Variants in LAMA3 observed in about 807,000 individuals in gnomAD.
LAMA3 encodes the protein laminin subunit alpha-3.
Under a neutral mutation model 402.0 loss-of-function variants are expected in LAMA3, and 281 were observed. That is an observed-to-expected ratio of 0.70 (90% CI 0.63 to 0.77). The LOEUF (loss-of-function observed/expected upper bound fraction) is 0.77, where lower values mean the gene tolerates loss of function less well. Ranked by LOEUF, LAMA3 falls within the 30% of genes least tolerant of loss-of-function variation. The pLI, the probability that LAMA3 is intolerant of heterozygous loss-of-function variation, is 0.00. For synonymous variants in LAMA3, 1,431 were observed against 1,558.4 expected, an observed-to-expected ratio of 0.92 and a Z score of 1.93; for missense variants, 3,840 against 4,215.5, an observed-to-expected ratio of 0.91 and a Z score of 2.47.
chr18:23,949,848 C>T lies in LAMA3; in HGVS notation c.9435C>T (p.Phe3145=), dbSNP rs372697000. 72 of 1,613,802 alleles carry T rather than the reference C, an allele frequency of 4.5e-5. 1 individual carries two copies. The Admixed American group carries it at 4.7e-4, about 10-fold the overall frequency. Residue 3145 remains phenylalanine, a synonymous_variant, in exon 71 of 75, where the codon TTC becomes TTT. Transcript: ENST00000313654. ...CCTTGTATACCCCTTCTTCAAGCTTCGGGGTGTCTTCCTGCTTGGGTGGTC... is the reference window on the plus strand; with the variant it reads ...CCTTGTATACCCCTTCTTCAAGCTTTGGGGTGTCTTCCTGCTTGGGTGGTC... ...SKPLYTPSSS[F]GVSSCLGGPL...
rs114484698 is a variant in LAMA3 at position 23,739,878 on chromosome 18, G to A, written c.448-8065G>A. ...TAAAAAATATAAATAGATTGAAGGA[G>A]GATTTAGGTAACTTGGTTGCTGGTT... is the stretch of plus-strand genomic sequence containing the variant. On this transcript the variant is annotated intron_variant, in intron 2 of 74. Transcript: ENST00000313654. Among the ~76,000 whole-genome samples the A allele has an allele frequency of 1.8e-3, 275 of 152,224 alleles. 1 individual carries two copies. Among genetic ancestry groups the A allele is most frequent in the African/African-American group, 6.3e-3 (263 of 41,526 alleles).
At chr18:23,776,364 C>T (rs574171473) in intron 10 of LAMA3, among the ~76,000 whole-genome samples, 4 of 152,240 alleles carry the variant, frequency 2.6e-5, no homozygotes, top group Non-Finnish European at 4.4e-5. Flanking sequence ...CTCCACCCCA[C>T]GGCAGTGATC....
chr18:23,820,663 A>G (rs774299038), intron 19 of LAMA3, among the ~76,000 whole-genome samples: 28 of 152,180 alleles, frequency 1.8e-4, no homozygotes, highest in Admixed American at 1.4e-3. Flanking sequence ...AATTCTGTAT[A>G]GCCATTGAGT....
chr18:23,702,687 A>T (rs2060812803), intron 1 of LAMA3, among the ~76,000 whole-genome samples: 1 of 147,914 alleles, frequency 6.8e-6, no homozygotes, highest in Admixed American at 6.9e-5. Context: ...CCAGCAGGGG[A>T]GATACATGTT....
At position 23,904,046 on chromosome 18, in the gene LAMA3, G is replaced by A. The variant is rs879111135; in HGVS notation, c.6432G>A (p.Lys2144=). ...GKTSLVEEAE[K]HARSLQELAK... Reference sequence around the variant, plus strand: ...CATCCCTTGTGGAGGAGGCAGAAAAGCACGCGCGGTCCTTACAAGAGCTGG... The same window carrying A: ...CATCCCTTGTGGAGGAGGCAGAAAAACACGCGCGGTCCTTACAAGAGCTGG... The change falls in exon 50 of 75, where the codon AAG becomes AAA. Residue 2144 remains lysine, a synonymous_variant. Coordinates refer to ENST00000313654, the MANE Select transcript of LAMA3 (RefSeq NM_198129.4). The A allele has an allele frequency of 6.2e-7, 1 of 1,614,046 alleles. No individual in the cohort carries two copies.
chr18:23,943,721 C>T (rs2082607124), intron 68 of LAMA3, 67 bp from the exon 69 acceptor site: 7 of 1,468,660 alleles, frequency 4.8e-6, no homozygotes, highest in Middle Eastern at 2.0e-4. Flanking sequence ...CACCCTCTGT[C>T]TCAGTGCTGA....
At chr18:23,940,492 G>A (rs2082463647) in intron 68 of LAMA3, among the ~76,000 whole-genome samples, 1 of 152,190 alleles carries the variant, frequency 6.6e-6, no homozygotes, top group Non-Finnish European at 1.5e-5. Context: ...CTAAGCCTAA[G>A]CTGTCCCTCT....
At chr18:23,833,802 G>T (rs979261480) in intron 23 of LAMA3, 26 bp from the exon 24 acceptor site, 5 of 1,612,188 alleles carry the variant, frequency 3.1e-6, no homozygotes, top group Non-Finnish European at 4.2e-6. Flanking sequence ...CTGGATCACA[G>T]TCTGTCTGCT....
At chr18:23,883,262 A>G (rs1478427659) in intron 40 of LAMA3, among the ~76,000 whole-genome samples, 1 of 152,140 alleles carries the variant, frequency 6.6e-6, no homozygotes, top group Admixed American at 6.5e-5. Flanking sequence ...CTGAGCTCTC[A>G]TTCAGCCTCC....
intron 69 of LAMA3, 93 bp from the exon 70 acceptor site, chr18:23,946,051 A>T (rs1568376917): frequency 1.6e-6 from 2 of 1,256,450 alleles, no homozygotes; most frequent in Non-Finnish European, 2.3e-6. Context: ...GCATGAAAAC[A>T]TTTTTTTTTA....
In LAMA3 at chr18:23,954,513, G is replaced by A. The variant is rs763958106; in HGVS notation, c.9867G>A (p.Thr3289=). ...CACTTTCTCTTTCAGCCAATTTGAC[G>A]ACACTGAGGATCCCTGTGTGGAAAT... ...LHLGGAPANL[T]TLRIPVWKSF... The change falls in exon 75 of 75, where the codon ACG becomes ACA. Residue 3289 remains threonine (T), a synonymous_variant. Transcript: ENST00000313654. 1.1e-5 allele frequency: 18 copies of A among 1,612,948 alleles called. No individual in the cohort carries two copies. The highest frequency in any genetic ancestry group is 1.6e-4 in the Middle Eastern group (1 of 6,082).
intron 23 of LAMA3, among the ~76,000 whole-genome samples, 198 bp downstream of exon 23, chr18:23,827,665 T>C (rs1229315960): frequency 6.6e-6 from 1 of 152,184 alleles, no homozygotes; most frequent in African/African-American, 2.4e-5. Context: ...TTCAGGTTGT[T>C]CTTTGAGCAC....
At chr18:23,827,840 A>G (rs1415592000) in intron 23 of LAMA3, among the ~76,000 whole-genome samples, 2 of 152,168 alleles carry the variant, frequency 1.3e-5, no homozygotes, top group African/African-American at 2.4e-5. Context: ...AGCTTACCCT[A>G]AAAGGATACC....
chr18:23,950,020 T>C lies in LAMA3; in HGVS notation c.9512-9T>C. On this transcript the variant is annotated splice_polypyrimidine_tract_variant and intron_variant, in intron 71 of 74. Transcript: ENST00000313654. Reference sequence around the variant, plus strand: ...TGCTTTAACTTTTGCTTTGTTTCTCTTTTGAAAGCTCACTCTGTATTGTTG... The same window carrying C: ...TGCTTTAACTTTTGCTTTGTTTCTCCTTTGAAAGCTCACTCTGTATTGTTG... 3.7e-6 allele frequency: 6 copies of C among 1,614,216 alleles called. No homozygotes were observed. The highest frequency in any genetic ancestry group is 1.1e-5 in the South Asian group (1 of 91,076).
chr18:23,902,289 C>T (rs549406938), intron 48 of LAMA3, among the ~76,000 whole-genome samples: 3 of 151,970 alleles, frequency 2.0e-5, no homozygotes, highest in East Asian at 3.9e-4. Context: ...GAGCCATTAT[C>T]GAGCCACTGC....
chr18:23,860,945 G>T (rs185240088), intron 34 of LAMA3, among the ~76,000 whole-genome samples: 122 of 152,022 alleles, frequency 8.0e-4, no homozygotes, highest in African/African-American at 2.8e-3. Context: ...ACCCACCTCG[G>T]CCTCCCAAAG....
chr18:23,821,763 T>C (rs887329523), intron 19 of LAMA3, among the ~76,000 whole-genome samples: 2 of 152,166 alleles, frequency 1.3e-5, no homozygotes, highest in Admixed American at 1.3e-4. Flanking sequence ...GTATTTGGAG[T>C]CTTTAACCTT....
intron 27 of LAMA3, among the ~76,000 whole-genome samples, chr18:23,841,366 G>C (rs917438152): frequency 6.6e-6 from 1 of 152,156 alleles, no homozygotes; most frequent in African/African-American, 2.4e-5. Context: ...GCTTGTACTC[G>C]AGCTTGAGCC....
At chr18:23,943,464 T>C (rs1285498200) in intron 68 of LAMA3, among the ~76,000 whole-genome samples, 1 of 152,248 alleles carries the variant, frequency 6.6e-6, no homozygotes, top group Non-Finnish European at 1.5e-5. Flanking sequence ...CCCTAACTTT[T>C]TAAAACATGG....
Sources: gnomAD v4.1 joint callset for allele counts (sites outside exome capture counted in the v4.1 genomes callset) on GRCh38, gnomAD v4.1.1 for gene constraint, MANE v1.5 for transcripts, NCBI Gene and HGNC (gene_info 2026-07-23, HGNC 2026-07-21) for gene names.